Variants in POLG2 observed in about 807,000 individuals in gnomAD.
POLG2 encodes the protein DNA polymerase subunit gamma-2.
POLG2 carries 50 observed loss-of-function variants against 56.5 expected under a neutral mutation model. The ratio of observed to expected loss-of-function variants is 0.88; its 90% confidence interval spans 0.71 to 1.12. The LOEUF is 1.12. POLG2 is among the 50% of genes most tolerant of loss of function. The pLI, the probability that POLG2 is intolerant of heterozygous loss-of-function variation, is 0.00. For synonymous variants in POLG2, 226 were observed against 222.6 expected (o/e 1.02, Z -0.14); for missense variants, 584 against 583.3 (o/e 1.00, Z -0.01).
chr17:64,480,863 C>T (rs1378381526), intron 6 of POLG2, among the ~76,000 whole-genome samples: 1 of 151,964 alleles, frequency 6.6e-6, no homozygotes, highest in Non-Finnish European at 1.5e-5. Flanking sequence ...AGAAGCAAAC[C>T]CCGGAAAATG....
intron 5 of POLG2, chr17:64,485,172 C>T (rs1476165694): frequency 6.5e-6 from 1 of 154,506 alleles, no homozygotes; most frequent in Non-Finnish European, 1.4e-5. Context: ...TTTCCTTCAT[C>T]TTGCCCCATT....
chr17:64,488,846 TAGTCCTAGCTACTCAG>T (rs2038003616), intron 4 of POLG2, among the ~76,000 whole-genome samples: 1 of 152,116 alleles, frequency 6.6e-6, no homozygotes, highest in Non-Finnish European at 1.5e-5. Context: ...CGCACACCTA[TAGTCCTAGCTACTCAG>T]GAGGCTGAGG....
rs965240465 is a variant in POLG2, at chr17:64,496,477, C to T, written c.492G>A (p.Lys164=). 4 of 1,610,428 alleles carry T rather than the reference C, an allele frequency of 2.5e-6. No individual in the cohort carries two copies. Among genetic ancestry groups the T allele is most frequent in the Admixed American group, 3.3e-5 (2 of 59,968 alleles). ...TCTCAAGAAATGCTACTAGCTGTTC[C>T]TTACTCAGCTCTTTGTCTTGCAAGA... ...REILQDKELS[K]EQLVAFLENV... is the part of the protein sequence containing the mutation. The change falls in exon 1 of 8, where the codon AAG becomes AAA. Residue 164 remains lysine (K), a synonymous_variant. Coordinates refer to ENST00000539111, the MANE Select transcript of POLG2 (RefSeq NM_007215.4).
At chr17:64,485,643 G>A in intron 5 of POLG2, 85 bp downstream of exon 5, 4 of 1,095,776 alleles carry the variant, frequency 3.7e-6, no homozygotes, top group Non-Finnish European at 5.6e-6. Flanking sequence ...TAGAGTTTAT[G>A]TTAGAAACCG....
At position 64,480,326 on chromosome 17, in the gene POLG2, C is replaced by T. The variant is rs782082822; in HGVS notation, c.1255G>A (p.Glu419Lys). The change falls in exon 7 of 8, where the codon GAA (glutamate) becomes AAA (lysine). Residue 419 changes from glutamate to lysine, a missense_variant. Glu to Lys is a moderately conservative substitution (Grantham distance 56). Coordinates refer to ENST00000539111, the MANE Select transcript of POLG2 (RefSeq NM_007215.4). Reference sequence around the variant, plus strand: ...TGTTCCAATGAGGACTGCATAGTTTCCAAATAACCAGGCCACACAGAAATC... The same window carrying T: ...TGTTCCAATGAGGACTGCATAGTTTTCAAATAACCAGGCCACACAGAAATC... Reference protein sequence around the residue: ...NGISVWPGYLETMQSSLEQLY... With the variant: ...NGISVWPGYLKTMQSSLEQLY... 2 of 1,597,974 alleles carry T rather than the reference C, an allele frequency of 1.3e-6. No homozygotes were observed. Among genetic ancestry groups the T allele is most frequent in the Admixed American group, 3.3e-5 (2 of 59,894 alleles).
At chr17:64,489,610 A>T (rs1234500031) in intron 4 of POLG2, among the ~76,000 whole-genome samples, 1 of 151,924 alleles carries the variant, frequency 6.6e-6, no homozygotes, top group Non-Finnish European at 1.5e-5. Flanking sequence ...ATATTAAACC[A>T]TCAGTCGGGC....
intron 3 of POLG2, 148 bp downstream of exon 3, chr17:64,492,519 A>T (rs1555668683): frequency 1.9e-5 from 12 of 627,790 alleles, no homozygotes; most frequent in Non-Finnish European, 3.1e-5. Context: ...AGAACAATGA[A>T]AATTGTTACA....
Position 64,496,569 on chromosome 17 carries a change from T to G in POLG2, c.400A>C (p.Lys134Gln), listed in dbSNP as rs775608464. Residue 134 changes from lysine to glutamine, a missense_variant, in exon 1 of 8, where the codon AAA becomes CAA. By Grantham distance (53) the Lys-to-Gln change is moderately conservative (BLOSUM62 1). Transcript: ENST00000539111. ...TCCCCGGGTAGCAAAGGGCCTGGTT[T>G]GTGGTGGAGGGCGTCCACCGGGAAT... ...QVFPVDALHH[K>Q]PGPLLPGDSA... 2 of 1,613,510 alleles carry G rather than the reference T, an allele frequency of 1.2e-6. No individual in the cohort carries two copies.
At chr17:64,485,577 G>T in intron 5 of POLG2, 151 bp downstream of exon 5, 1 of 676,898 alleles carries the variant, frequency 1.5e-6, no homozygotes, top group Non-Finnish European at 2.6e-6. Flanking sequence ...TATTCCTGTG[G>T]CCAGATTCTA....
chr17:64,494,241 C>T (rs564966230), intron 1 of POLG2, among the ~76,000 whole-genome samples: 9 of 152,230 alleles, frequency 5.9e-5, no homozygotes, highest in African/African-American at 2.2e-4. Context: ...TGATTGTTTC[C>T]TTATGATTTA....
At chr17:64,482,096 CTTTTTTTTTT>C (rs1185623297) in intron 6 of POLG2, among the ~76,000 whole-genome samples, 1 of 116,042 alleles carries the variant, frequency 8.6e-6, no homozygotes, top group Non-Finnish European at 1.8e-5. Flanking sequence ...TTAATTAAAG[CTTTTTTTTTT>C]TTTTTTTTTT....
rs146238037 is a variant in POLG2, at chr17:64,496,671, C to G, written c.298G>C (p.Gly100Arg). Residue 100 changes from glycine (G) to arginine (R), a missense_variant, in exon 1 of 8, where the codon GGA becomes CGA. Gly to Arg is a moderately radical substitution (Grantham distance 125). Coordinates refer to ENST00000539111, the MANE Select transcript of POLG2 (RefSeq NM_007215.4). The part of the protein sequence containing the change: ...SLLSGCHPGF[G>R]PLGVELRKNL... ...TTCCGCAACTCTACGCCCAAGGGTCCGAAGCCGGGGTGGCACCCACTCAGA... is the reference window on the plus strand; with the variant it reads ...TTCCGCAACTCTACGCCCAAGGGTCGGAAGCCGGGGTGGCACCCACTCAGA... 3 of 1,613,992 alleles carry G rather than the reference C, an allele frequency of 1.9e-6. No individual in the cohort carries two copies. The highest frequency in any genetic ancestry group is 2.2e-5 in the East Asian group (1 of 44,862).
At chr17:64,484,863 C>G (rs1438478144) in intron 5 of POLG2, among the ~76,000 whole-genome samples, 1 of 152,132 alleles carries the variant, frequency 6.6e-6, no homozygotes, top group Non-Finnish European at 1.5e-5. Context: ...CCCAGCTGAA[C>G]ACTCAACATT....
At chr17:64,489,239 T>C (rs141194569) in intron 4 of POLG2, among the ~76,000 whole-genome samples, 1 of 150,576 alleles carries the variant, frequency 6.6e-6, no homozygotes, top group Non-Finnish European at 1.5e-5. Context: ...TAACACACTG[T>C]AACCCCCTGA....
chr17:64,480,402 A>G lies in POLG2; in HGVS notation c.1192-13T>C. 1.5e-6 allele frequency: 2 copies of G among 1,292,084 alleles called. No individual in the cohort carries two copies. Among genetic ancestry groups the G allele is most frequent in the East Asian group, 2.3e-5 (1 of 42,762 alleles). 80.0% of individuals were successfully genotyped at this position (1,292,084 alleles called of 1,614,324 possible). A position where few individuals can be genotyped will look rare whatever the true frequency, so the allele number is the denominator to read the frequency against. On this transcript the variant is annotated splice_polypyrimidine_tract_variant and intron_variant, in intron 6 of 7. Transcript: ENST00000539111. Reference sequence around the variant, plus strand: ...GCCCTTGACAAACCTAGAAAGAAATAGAAAAACTTCAAATATGAAAGAAAT... The same window carrying G: ...GCCCTTGACAAACCTAGAAAGAAATGGAAAAACTTCAAATATGAAAGAAAT...
At chr17:64,482,254 C>T (rs2037873718) in intron 6 of POLG2, among the ~76,000 whole-genome samples, 1 of 151,736 alleles carries the variant, frequency 6.6e-6, no homozygotes, top group Admixed American at 6.6e-5. Context: ...CAGGCACATA[C>T]CATTATGCTC....
In POLG2 at chr17:64,496,436, G is replaced by A. The variant is rs782061130; in HGVS notation, c.533C>T (p.Ser178Phe). 7.6e-6 allele frequency: 12 copies of A among 1,587,776 alleles called. No homozygotes were observed. The highest frequency in any genetic ancestry group is 4.0e-5 in the African/African-American group (3 of 74,176). The stretch of plus-strand genomic sequence containing the variant: ...AAGAAGGTTCTCCCGTAGTTTCCCA[G>A]AAGTTTTTAATACGTTCTCAAGAAA... Reference protein sequence around the residue: ...VAFLENVLKTSGKLRENLLHG... With the variant: ...VAFLENVLKTFGKLRENLLHG... Residue 178 changes from serine to phenylalanine, a missense_variant, in exon 1 of 8, where the codon TCT (serine) becomes TTT (phenylalanine). Coordinates refer to ENST00000539111, the MANE Select transcript of POLG2 (RefSeq NM_007215.4).
chr17:64,493,998 A>G (rs1555669053), intron 1 of POLG2, among the ~76,000 whole-genome samples: 1 of 152,160 alleles, frequency 6.6e-6, no homozygotes, highest in African/African-American at 2.4e-5. Context: ...TAATACCACA[A>G]TATAATCTAA....
chr17:64,495,601 T>A (rs1277394669), intron 1 of POLG2, among the ~76,000 whole-genome samples: 2 of 152,218 alleles, frequency 1.3e-5, no homozygotes, highest in Non-Finnish European at 1.5e-5. Context: ...AATTCATATT[T>A]AATTTACCAA....
Sources: gnomAD v4.1 joint callset for allele counts (sites outside exome capture counted in the v4.1 genomes callset) on GRCh38, gnomAD v4.1.1 for gene constraint, MANE v1.5 for transcripts, NCBI Gene and HGNC (gene_info 2026-07-23, HGNC 2026-07-21) for gene names.